KCNH2: variants seen among roughly 807,000 people sequenced by gnomAD.
KCNH2 encodes the protein potassium voltage-gated channel subfamily H member 2.
Under a neutral mutation model 95.9 loss-of-function variants are expected in KCNH2, and 35 were observed. That is an observed-to-expected ratio of 0.37 (90% CI 0.28 to 0.48). The LOEUF (loss-of-function observed/expected upper bound fraction) is 0.48. Among genes scored for constraint, KCNH2 ranks in the 20% least tolerant of loss-of-function variants. The probability of loss-of-function intolerance (pLI) is 0.99; values close to 1 mark genes in which losing one functional copy is unlikely to be tolerated. For synonymous variants in KCNH2, 786 were observed against 754.7 expected (o/e 1.04, Z -0.68); for missense variants, 1,274 against 1,702.9 (o/e 0.75, Z 4.43).
At chr7:150,965,407 C>T (rs999236733) in intron 2 of KCNH2, among the ~76,000 whole-genome samples, 1 of 152,196 alleles carries the variant, frequency 6.6e-6, no homozygotes. Flanking sequence ...CTCTGCCTCT[C>T]GGGTGGTGCA....
rs886039215 is a variant in KCNH2, at chr7:150,950,223, G to A, written c.2343C>T (p.Phe781=). The A allele has an allele frequency of 6.2e-7, 1 of 1,613,170 alleles. No individual in the cohort carries two copies. Among genetic ancestry groups the A allele is most frequent in the Non-Finnish European group, 8.5e-7 (1 of 1,179,750 alleles). The change falls in exon 9 of 15, where the codon TTC becomes TTT. Residue 781 remains phenylalanine, a synonymous_variant. Transcript: ENST00000262186. ...GGATCTCGATGGAGCCCCGGGAGAT[G>A]AAGTACAGGGCGGTGAGCAGGTCCC... The part of the protein sequence containing the change: ...HAGDLLTALY[F]ISRGSIEILR...
chr7:150,972,671 A>T (rs1001938914), intron 2 of KCNH2, among the ~76,000 whole-genome samples: 1 of 152,200 alleles, frequency 6.6e-6, no homozygotes, highest in Non-Finnish European at 1.5e-5. Flanking sequence ...TGTAACCTGG[A>T]GAGGGGACAA....
intron 2 of KCNH2, 105 bp from the exon 3 acceptor site, chr7:150,959,841 C>T (rs1801506400): frequency 1.6e-6 from 2 of 1,277,814 alleles, no homozygotes; most frequent in East Asian, 4.8e-5. Flanking sequence ...CCACTTCTGC[C>T]TCCCCGTATG....
chr7:150,971,791 C>T (rs976799966), intron 2 of KCNH2, among the ~76,000 whole-genome samples: 2 of 151,770 alleles, frequency 1.3e-5, no homozygotes, highest in Non-Finnish European at 2.9e-5. Context: ...TGGCTGAGCA[C>T]GGTGGCAGGG....
At chr7:150,951,953 CCCT>C in intron 6 of KCNH2, 118 bp from the exon 7 acceptor site, 2 of 949,158 alleles carry the variant, frequency 2.1e-6, no homozygotes, top group South Asian at 1.7e-5. Flanking sequence ...ACTTCCTAGA[CCCT>C]CCTCCTAAGA....
In KCNH2 at chr7:150,970,068, T is replaced by C. The variant is rs982582409; in HGVS notation, c.307+4643A>G. On this transcript the variant is annotated intron_variant, in intron 2 of 14. Coordinates refer to ENST00000262186, the MANE Select transcript of KCNH2 (RefSeq NM_000238.4). ...ACTAAAGGGCTAAATACTTTCTGTC[T>C]CTATACTGGGAGGGGGCAATGAGAG... Among the ~76,000 whole-genome samples, 4 of 152,040 alleles carry C rather than the reference T, an allele frequency of 2.6e-5. No individual in the cohort carries two copies. In the East Asian group the frequency reaches 7.8e-4, roughly 30 times the overall value.
At chr7:150,949,748 G>A (rs1224235850) in intron 9 of KCNH2, 1 of 1,188,922 alleles carries the variant, frequency 8.4e-7, no homozygotes, top group Non-Finnish European at 1.1e-6. Flanking sequence ...GGAAGTGGGG[G>A]GAGGGGGCAG....
At chr7:150,968,555 A>G (rs1180962422) in intron 2 of KCNH2, among the ~76,000 whole-genome samples, 1 of 152,232 alleles carries the variant, frequency 6.6e-6, no homozygotes, top group Non-Finnish European at 1.5e-5. Flanking sequence ...GACAAAATAC[A>G]CATTTGCAAG....
chr7:150,960,157 C>T (rs1801514776), intron 2 of KCNH2, among the ~76,000 whole-genome samples: 1 of 53,620 alleles, frequency 1.9e-5, no homozygotes, highest in Non-Finnish European at 3.3e-5. Flanking sequence ...GACTTTAGGC[C>T]TACGATCTCT....
Position 150,958,483 on chromosome 7 carries a change from G to A in KCNH2, c.492C>T (p.Arg164=). 6.8e-7 allele frequency: 1 copy of A among 1,472,872 alleles called. No individual in the cohort carries two copies. The highest frequency in any genetic ancestry group is 8.9e-7 in the Non-Finnish European group (1 of 1,118,620). The allele number at this position is 1,472,872 out of a possible 1,614,324, so 91.2% of individuals were successfully genotyped here. Residue 164 remains arginine (R), a synonymous_variant, in exon 4 of 15, where the codon CGC becomes CGT. Coordinates refer to ENST00000262186, the MANE Select transcript of KCNH2 (RefSeq NM_000238.4). Reference sequence around the variant, plus strand: ...GCGCCAGCAGCGCGGGCAGCTTCAGGCGGAAGGTCTTGGCGCGGCCTGCGG... The same window carrying A: ...GCGCCAGCAGCGCGGGCAGCTTCAGACGGAAGGTCTTGGCGCGGCCTGCGG... The part of the protein sequence containing the change: ...WLAPGRAKTF[R]LKLPALLALT...
chr7:150,977,853 T>A lies in KCNH2; in HGVS notation c.61A>T (p.Lys21Ter). 1.3e-6 allele frequency: 2 copies of A among 1,493,672 alleles called. No individual in the cohort carries two copies. The highest frequency in any genetic ancestry group is 1.8e-6 in the Non-Finnish European group (2 of 1,110,510). The allele number at this position is 1,493,672 out of a possible 1,614,324, so 92.5% of individuals were successfully genotyped here. Reference sequence around the variant, plus strand: ...CCCCACTCACTCTGGCCCTCAAACTTGCGGATGATGGTGTCCAGGAAGGTG... The same window carrying A: ...CCCCACTCACTCTGGCCCTCAAACTAGCGGATGATGGTGTCCAGGAAGGTG... The part of the protein sequence containing the change: ...QNTFLDTIIR[K>*]FEGQSRKFII... The change falls in exon 1 of 15, where the codon AAG (lysine) becomes TAG (stop). Residue 21 changes from lysine to a stop codon, truncating the protein, a stop_gained. Coordinates refer to ENST00000262186, the MANE Select transcript of KCNH2 (RefSeq NM_000238.4). LOFTEE classifies it high-confidence loss of function.
At chr7:150,957,151 A>G (rs1801400896) in intron 5 of KCNH2, 140 bp downstream of exon 5, 6 of 739,378 alleles carry the variant, frequency 8.1e-6, no homozygotes, top group South Asian at 4.6e-5. Context: ...TAGATTGCCA[A>G]CCCCAACCCT....
chr7:150,963,759 C>A (rs1410497061), intron 2 of KCNH2, among the ~76,000 whole-genome samples: 6 of 152,202 alleles, frequency 3.9e-5, no homozygotes, highest in Non-Finnish European at 7.4e-5. Flanking sequence ...CTCCTTAGAA[C>A]CCCCGTGCCT....
chr7:150,976,567 G>A (rs1801984808), intron 1 of KCNH2, among the ~76,000 whole-genome samples: 1 of 152,120 alleles, frequency 6.6e-6, no homozygotes, highest in Non-Finnish European at 1.5e-5. Flanking sequence ...TTCTTCGAAG[G>A]CATGCCCCAC....
chr7:150,952,364 C>G lies in KCNH2; in HGVS notation c.1557+61G>C. 1.3e-6 allele frequency: 2 copies of G among 1,527,136 alleles called. No homozygotes were observed. The highest frequency in any genetic ancestry group is 1.8e-6 in the Non-Finnish European group (2 of 1,113,610). 94.6% of individuals were successfully genotyped at this position (1,527,136 alleles called of 1,614,324 possible). ...CCTCGCCACCCCCTCCACCCCACTA[C>G]CTCCCACCACATTCCTGGCCTCTCC... On this transcript the variant is annotated intron_variant, in intron 6 of 14. Coordinates refer to ENST00000262186, the MANE Select transcript of KCNH2 (RefSeq NM_000238.4). This position sits in a 1 kb window ranked among gnomAD's most constrained non-coding sequence, Gnocchi z 7.3.
At position 150,958,511 on chromosome 7, in the gene KCNH2, G is replaced by A; in HGVS notation, c.473-9C>T. ...GAAGGTCTTGGCGCGGCCTGCGGGAGAGGAGAGGCACGTGGTCGTGGGGAT... is the reference window on the plus strand; with the variant it reads ...GAAGGTCTTGGCGCGGCCTGCGGGAAAGGAGAGGCACGTGGTCGTGGGGAT... On this transcript the variant is annotated splice_polypyrimidine_tract_variant and intron_variant, in intron 3 of 14. Transcript: ENST00000262186. 1 of 1,475,790 alleles carries A rather than the reference G, an allele frequency of 6.8e-7. No individual in the cohort carries two copies. The highest frequency in any genetic ancestry group is 8.9e-7 in the Non-Finnish European group (1 of 1,120,296). The allele number at this position is 1,475,790 out of a possible 1,614,324, so 91.4% of individuals were successfully genotyped here. A position where few individuals can be genotyped will look rare whatever the true frequency, so the allele number is the denominator to read the frequency against.
chr7:150,954,283 A>G (rs1801290219), intron 5 of KCNH2, among the ~76,000 whole-genome samples: 1 of 151,508 alleles, frequency 6.6e-6, no homozygotes, highest in Non-Finnish European at 1.5e-5. Context: ...AAAAAAAAAG[A>G]AAACACTGGC....
intron 9 of KCNH2, chr7:150,949,881 G>A: frequency 7.2e-7 from 1 of 1,394,614 alleles, no homozygotes; most frequent in Middle Eastern, 1.9e-4. Flanking sequence ...GCCCAGGCTA[G>A]AGGATCTAGA....
At chr7:150,954,114 G>C (rs1028012856) in intron 5 of KCNH2, among the ~76,000 whole-genome samples, 1 of 152,204 alleles carries the variant, frequency 6.6e-6, no homozygotes, top group Non-Finnish European at 1.5e-5. Flanking sequence ...TACCAGATGG[G>C]CTGCGGGAGC....
Sources: gnomAD v4.1 joint callset for allele counts (sites outside exome capture counted in the v4.1 genomes callset) on GRCh38, gnomAD v4.1.1 for gene constraint, Gnocchi (gnomAD v3.1) non-coding constraint, MANE v1.5 for transcripts, NCBI Gene and HGNC (gene_info 2026-07-23, HGNC 2026-07-21) for gene names.